The following SLC9A9 variants were observed in gnomAD, a reference collection of about 807,000 sequenced individuals.
The protein encoded by SLC9A9 is solute carrier family 9 member A9.
SLC9A9 carries 62 observed loss-of-function variants against 77.8 expected under a neutral mutation model. That is an observed-to-expected ratio of 0.80 (90% CI 0.65 to 0.98). The LOEUF is 0.98. SLC9A9 is among the 50% of genes least tolerant of loss of function. The probability of loss-of-function intolerance (pLI) is 0.00; values close to 1 mark genes in which losing one functional copy is unlikely to be tolerated. For missense variants in SLC9A9, 775 were observed against 774.9 expected (o/e 1.00, Z 0.00); for synonymous variants, 320 against 283.5 (o/e 1.13, Z -1.29).
chr3:143,534,362 G>A (rs1303086803), intron 9 of SLC9A9, among the ~76,000 whole-genome samples: 3 of 152,188 alleles, frequency 2.0e-5, no homozygotes, highest in Non-Finnish European at 4.4e-5. Flanking sequence ...GAAGTTTGAT[G>A]GCCTGTACAA....
chr3:143,551,454 C>T (rs982458343), intron 9 of SLC9A9, among the ~76,000 whole-genome samples: 2 of 152,352 alleles, frequency 1.3e-5, no homozygotes, highest in Admixed American at 6.5e-5. Flanking sequence ...GAACTATTTA[C>T]AGAGCTTCCA....
intron 6 of SLC9A9, among the ~76,000 whole-genome samples, chr3:143,607,787 A>C (rs554828959): frequency 6.6e-6 from 1 of 151,792 alleles, no homozygotes; most frequent in South Asian, 2.1e-4. Context: ...ATAAGGTATG[A>C]GATATATTTA....
intron 12 of SLC9A9, among the ~76,000 whole-genome samples, chr3:143,390,991 G>T (rs1172093719): frequency 6.6e-6 from 1 of 152,212 alleles, no homozygotes; most frequent in Non-Finnish European, 1.5e-5. Flanking sequence ...GCTCAAGGAG[G>T]CCTGCCTGCC....
chr3:143,390,440 T>A (rs2033531648), intron 12 of SLC9A9, among the ~76,000 whole-genome samples: 1 of 152,172 alleles, frequency 6.6e-6, no homozygotes, highest in Non-Finnish European at 1.5e-5. Context: ...TGTCATAGGC[T>A]GTTGTGGGAT....
chr3:143,829,236 A>G (rs2009375574), intron 2 of SLC9A9, among the ~76,000 whole-genome samples: 1 of 152,000 alleles, frequency 6.6e-6, no homozygotes, highest in South Asian at 2.1e-4. Flanking sequence ...TTCCTCCCCA[A>G]ACTTTTACCC....
chr3:143,775,848 C>T (rs899300867), intron 4 of SLC9A9, among the ~76,000 whole-genome samples: 1 of 152,030 alleles, frequency 6.6e-6, no homozygotes, highest in Non-Finnish European at 1.5e-5. Context: ...CTTTTCTTTC[C>T]AATAGGCAAA....
At chr3:143,539,875 TAAGA>T (rs1018241913) in intron 9 of SLC9A9, among the ~76,000 whole-genome samples, 5 of 123,848 alleles carry the variant, frequency 4.0e-5, no homozygotes, top group African/African-American at 1.6e-4. Context: ...AGTGAAAAAT[TAAGA>T]GAGAGAGAGA....
At chr3:143,338,092 C>T (rs2031982422) in intron 14 of SLC9A9, among the ~76,000 whole-genome samples, 1 of 152,100 alleles carries the variant, frequency 6.6e-6, no homozygotes, top group South Asian at 2.1e-4. Context: ...TGGAGAGATA[C>T]AGAATGTGTA....
At chr3:143,761,991 C>A (rs2007141606) in intron 4 of SLC9A9, among the ~76,000 whole-genome samples, 1 of 152,130 alleles carries the variant, frequency 6.6e-6, no homozygotes, top group Non-Finnish European at 1.5e-5. Flanking sequence ...CATATATACA[C>A]CATGGAATAC....
At chr3:143,691,223 C>T (rs1933452605) in intron 5 of SLC9A9, among the ~76,000 whole-genome samples, 1 of 151,966 alleles carries the variant, frequency 6.6e-6, no homozygotes, top group South Asian at 2.1e-4. Flanking sequence ...TTACACAAGG[C>T]TATTTTTTTA....
At chr3:143,336,835 G>A (rs2108459869) in intron 14 of SLC9A9, among the ~76,000 whole-genome samples, 1 of 152,172 alleles carries the variant, frequency 6.6e-6, no homozygotes, top group East Asian at 1.9e-4. Flanking sequence ...GAATATAATT[G>A]ACACTATTGA....
At chr3:143,693,801 G>T (rs1308136611) in intron 4 of SLC9A9, among the ~76,000 whole-genome samples, 1 of 152,130 alleles carries the variant, frequency 6.6e-6, no homozygotes, top group African/African-American at 2.4e-5. Flanking sequence ...AGTCTCTGCT[G>T]CTAGTGGTGT....
chr3:143,341,872 A>T (rs1345818335), intron 14 of SLC9A9, among the ~76,000 whole-genome samples: 2 of 152,162 alleles, frequency 1.3e-5, no homozygotes, highest in Non-Finnish European at 2.9e-5. Context: ...AGGTTACCTA[A>T]TTTTGGAGGC....
chr3:143,418,490 CAGG>C lies in SLC9A9; in HGVS notation c.1470-36379_1470-36377del, dbSNP rs751194303. ...AAAAGAAATTACTTCTTGATTGTAA[CAGG>C]AGAAGGAGATGGGAACAAGTGAAGC... On this transcript the variant is annotated intron_variant, in intron 12 of 15. Coordinates refer to ENST00000316549, the MANE Select transcript of SLC9A9 (RefSeq NM_173653.4). 3.3e-5 allele frequency among the ~76,000 whole-genome samples: 5 copies of C among 151,956 alleles called. No homozygotes were observed. The East Asian group carries it at 9.7e-4, about 29-fold the overall frequency.
chr3:143,785,063 G>A (rs1015407516), intron 4 of SLC9A9, among the ~76,000 whole-genome samples: 6 of 152,130 alleles, frequency 3.9e-5, no homozygotes, highest in Admixed American at 1.3e-4. Flanking sequence ...TTTATAAGAC[G>A]CCAGTCTATG....
intron 4 of SLC9A9, among the ~76,000 whole-genome samples, chr3:143,726,377 A>G (rs779609174): frequency 1.1e-4 from 17 of 152,182 alleles, no homozygotes; most frequent in Non-Finnish European, 1.5e-4. Flanking sequence ...TTTGATTGAC[A>G]TGGTATTTAA....
chr3:143,724,271 C>G (rs530608447), intron 4 of SLC9A9, among the ~76,000 whole-genome samples: 2 of 152,198 alleles, frequency 1.3e-5, no homozygotes, highest in Non-Finnish European at 2.9e-5. Context: ...CTCTCTCTCC[C>G]CTTCCACCAT....
intron 9 of SLC9A9, among the ~76,000 whole-genome samples, chr3:143,536,734 A>C (rs1380454627): frequency 1.3e-5 from 2 of 152,234 alleles, no homozygotes; most frequent in East Asian, 3.8e-4. Flanking sequence ...AAATGTACTT[A>C]TACAAATAGC....
intron 14 of SLC9A9, among the ~76,000 whole-genome samples, chr3:143,337,596 A>C (rs755290074): frequency 1.8e-4 from 27 of 152,216 alleles, no homozygotes; most frequent in Non-Finnish European, 1.6e-4. Context: ...GGGACGCTGG[A>C]GAAACATATG....
Sources: allele counts gnomAD v4.1 joint callset (sites outside exome capture counted in the v4.1 genomes callset), GRCh38; gene constraint gnomAD v4.1.1; transcripts MANE v1.5; gene names NCBI Gene and HGNC (gene_info 2026-07-23, HGNC 2026-07-21).